Variants in CBY2 observed in about 807,000 individuals in gnomAD.
CBY2 encodes chibby family member 2.
In CBY2, 23 loss-of-function variants were observed where a neutral mutation model predicts 25.3. That is an observed-to-expected ratio of 0.91 (90% CI 0.65 to 1.29). The LOEUF (loss-of-function observed/expected upper bound fraction) is 1.29. CBY2 is among the 50% of genes most tolerant of loss of function. The pLI, the probability that CBY2 is intolerant of heterozygous loss-of-function variation, is 0.00. For synonymous variants in CBY2, 279 were observed against 260.2 expected, an observed-to-expected ratio of 1.07 and a Z score of -0.70; for missense variants, 642 against 590.7, an observed-to-expected ratio of 1.09 and a Z score of -0.90.
At chr13:45,702,513 C>A (rs765678973) in intron 1 of CBY2, 48 bp downstream of exon 1, 10 of 1,516,452 alleles carry the variant, frequency 6.6e-6, no homozygotes, top group Non-Finnish European at 8.2e-6. Context: ...GACAGGGAAG[C>A]AGGTACAGCT....
At position 45,702,855 on chromosome 13, in the gene CBY2, G is replaced by A; in HGVS notation, c.156G>A (p.Gln52=). ...TTCCAATCAGTGTGGTTCTACCTCA[G>A]GTAGGGATAATCACAGAAGGATGTA... ...LEIPISVVLP[Q]RGTAEPFPRL... The change falls in exon 2 of 3, where the codon CAG becomes CAA. Residue 52 remains glutamine, a splice_region_variant and synonymous_variant. Transcript: ENST00000310521. The A allele has an allele frequency of 6.2e-7, 1 of 1,607,890 alleles. No homozygotes were observed. The highest frequency in any genetic ancestry group is 8.5e-7 in the Non-Finnish European group (1 of 1,174,356).
chr13:45,706,522 T>C (rs969638392), intron 2 of CBY2, among the ~76,000 whole-genome samples: 1 of 152,182 alleles, frequency 6.6e-6, no homozygotes, highest in Non-Finnish European at 1.5e-5. Flanking sequence ...TTATTCCCCT[T>C]CTGCATCAGC....
intron 2 of CBY2, among the ~76,000 whole-genome samples, chr13:45,707,273 G>A (rs917740286): frequency 6.6e-6 from 1 of 152,124 alleles, no homozygotes; most frequent in East Asian, 1.9e-4. Context: ...GTACATGGAT[G>A]AACCTAGGGG....
At chr13:45,702,922 C>A in intron 2 of CBY2, 67 bp downstream of exon 2, 1 of 1,335,260 alleles carries the variant, frequency 7.5e-7, no homozygotes, top group Non-Finnish European at 1.1e-6. Flanking sequence ...TCTCCTCCTT[C>A]AAAACTCTAG....
intron 2 of CBY2, 43 bp downstream of exon 2, chr13:45,702,898 A>C: frequency 6.8e-7 from 1 of 1,463,998 alleles, no homozygotes; most frequent in Non-Finnish European, 9.6e-7. Context: ...AGTGTTAGCC[A>C]GAATAACCCC....
At chr13:45,709,550 G>A (rs1381175323) in intron 2 of CBY2, among the ~76,000 whole-genome samples, 1 of 152,202 alleles carries the variant, frequency 6.6e-6, no homozygotes, top group Non-Finnish European at 1.5e-5. Flanking sequence ...ATTGTTAAAT[G>A]TTAAAGGGTG....
intron 2 of CBY2, chr13:45,703,510 G>C: frequency 6.4e-7 from 1 of 1,550,754 alleles, no homozygotes; most frequent in Non-Finnish European, 8.7e-7. Context: ...GCTTTCTCCA[G>C]AGTCACCTAA....
rs556930415 is a variant in CBY2, at chr13:45,713,966, C to T, written c.941C>T (p.Pro314Leu). 1 of 1,520,240 alleles carries T rather than the reference C, an allele frequency of 6.6e-7. No individual in the cohort carries two copies. The highest frequency in any genetic ancestry group is 1.2e-5 in the South Asian group (1 of 82,506). 94.2% of individuals were successfully genotyped at this position (1,520,240 alleles called of 1,614,324 possible). The stretch of plus-strand genomic sequence containing the variant: ...TCCCGCTTCGAGGAGCCCAAAGGGC[C>T]TCCGGCCCGGCAGGAGGACTCCAAG... Reference protein sequence around the residue: ...LSSRFEEPKGPPARQEDSKEL... With the variant: ...LSSRFEEPKGLPARQEDSKEL... The change falls in exon 3 of 3, where the codon CCT (proline) becomes CTT (leucine). Residue 314 changes from proline (P) to leucine (L), a missense_variant. By Grantham distance (98) the Pro-to-Leu change is moderately conservative. Transcript: ENST00000310521. This position sits in a 1 kb window ranked among gnomAD's most constrained non-coding sequence, Gnocchi z 5.0.
At chr13:45,706,413 A>T (rs898340202) in intron 2 of CBY2, among the ~76,000 whole-genome samples, 1 of 152,170 alleles carries the variant, frequency 6.6e-6, no homozygotes, top group Non-Finnish European at 1.5e-5. Flanking sequence ...TCACTAATGC[A>T]TCATTGGGTT....
Position 45,712,312 on chromosome 13 carries a change from A to C in CBY2, c.157-870A>C, listed in dbSNP as rs76534085. ...AATTATCCCAATTTGAAAATGTGGA[A>C]ATTAAAGCTCAAATAACTTGCTCAA... On this transcript the variant is annotated intron_variant, in intron 2 of 2. Coordinates refer to ENST00000310521, the MANE Select transcript of CBY2 (RefSeq NM_152719.3). Among the ~76,000 whole-genome samples the C allele has an allele frequency of 8.2e-3, 1,255 of 152,324 alleles. 33 individuals are homozygous for C. In the East Asian group the frequency reaches 0.1, roughly 12 times the overall value.
At chr13:45,711,662 T>C (rs1950270908) in intron 2 of CBY2, among the ~76,000 whole-genome samples, 1 of 152,118 alleles carries the variant, frequency 6.6e-6, no homozygotes, top group South Asian at 2.1e-4. Flanking sequence ...CCAGTCTGAG[T>C]AAATCAGACT....
chr13:45,709,190 A>T (rs1280648792), intron 2 of CBY2, among the ~76,000 whole-genome samples: 2 of 152,240 alleles, frequency 1.3e-5, no homozygotes, highest in South Asian at 4.1e-4. Context: ...TATGAGCAAG[A>T]TCACCTGAAT....
At chr13:45,703,606 G>C in intron 2 of CBY2, 2 of 1,544,614 alleles carry the variant, frequency 1.3e-6, no homozygotes, top group African/African-American at 2.7e-5. Context: ...CTATCTGAGA[G>C]CTCTGTCCAG....
chr13:45,707,330 TCATAC>T (rs1950245411), intron 2 of CBY2, among the ~76,000 whole-genome samples: 1 of 152,092 alleles, frequency 6.6e-6, no homozygotes, highest in Admixed American at 6.6e-5. Flanking sequence ...AGATTTTACA[TCATAC>T]CATAACAGCT....
chr13:45,707,190 A>T (rs955555979), intron 2 of CBY2, among the ~76,000 whole-genome samples: 1 of 152,116 alleles, frequency 6.6e-6, no homozygotes, highest in Admixed American at 6.5e-5. Flanking sequence ...TCGTTGGATT[A>T]TATATTCAAG....
Position 45,713,788 on chromosome 13 carries a change from C to T in CBY2, c.763C>T (p.Arg255Cys), listed in dbSNP as rs764935901. The T allele has an allele frequency of 2.5e-6, 4 of 1,585,634 alleles. No individual in the cohort carries two copies. The highest frequency in any genetic ancestry group is 2.6e-6 in the Non-Finnish European group (3 of 1,166,338). The change falls in exon 3 of 3, where the codon CGC becomes TGC. Residue 255 changes from arginine (R) to cysteine (C), a missense_variant. Arg to Cys is a radical substitution (Grantham distance 180, BLOSUM62 -3). Transcript: ENST00000310521. This position sits in a 1 kb window ranked among gnomAD's most constrained non-coding sequence, Gnocchi z 5.0. ...CCTGCAGCTCCTCCGGGAGGAGAAT[C>T]GCGCGCTGCAGCAGCTGCTGGAGCA... ...STLQLLREEN[R>C]ALQQLLEQKQ...
chr13:45,702,541 T>G, intron 1 of CBY2, 76 bp downstream of exon 1: 1 of 1,301,160 alleles, frequency 7.7e-7, no homozygotes, highest in African/African-American at 1.5e-5. Context: ...CTTCAAAAAC[T>G]TTCAAAAGCC....
chr13:45,702,928 T>G (rs556447402), intron 2 of CBY2, 73 bp downstream of exon 2: 1 of 1,313,466 alleles, frequency 7.6e-7, no homozygotes, highest in Non-Finnish European at 1.1e-6. Flanking sequence ...CCTTCAAAAC[T>G]CTAGCAAGAT....
At chr13:45,706,615 C>T (rs1950240895) in intron 2 of CBY2, among the ~76,000 whole-genome samples, 1 of 152,152 alleles carries the variant, frequency 6.6e-6, no homozygotes, top group South Asian at 2.1e-4. Flanking sequence ...TTCCTAGAGA[C>T]CAGAAAAGAG....
Sources: allele counts gnomAD v4.1 joint callset (sites outside exome capture counted in the v4.1 genomes callset), GRCh38; gene constraint gnomAD v4.1.1; non-coding constraint Gnocchi (gnomAD v3.1); transcripts MANE v1.5; gene names NCBI Gene and HGNC (gene_info 2026-07-23, HGNC 2026-07-21).